Variants in SMAD6 observed in about 807,000 individuals in gnomAD.
The protein encoded by SMAD6 is MAD homolog 6.
Under a neutral mutation model 39.4 loss-of-function variants are expected in SMAD6, and 103 were observed. That is an observed-to-expected ratio of 2.62 (90% CI 2.23 to 3.08). SMAD6 has a LOEUF of 3.08. Among genes scored for constraint, SMAD6 ranks in the 30% most tolerant of loss-of-function variants. The pLI, the probability that SMAD6 is intolerant of heterozygous loss-of-function variation, is 0.00. For synonymous variants in SMAD6, 445 were observed against 353.3 expected, an observed-to-expected ratio of 1.26 and a Z score of -2.91; for missense variants, 1,104 against 742.9, an observed-to-expected ratio of 1.49 and a Z score of -5.65.
At chr15:66,732,463 G>A (rs1247456468) in intron 3 of SMAD6, among the ~76,000 whole-genome samples, 6 of 152,152 alleles carry the variant, frequency 3.9e-5, no homozygotes, top group South Asian at 2.1e-4. Context: ...TGATCCTCAT[G>A]TCTCAGCCTC....
chr15:66,704,380 G>A (rs1422280148), intron 1 of SMAD6: 1 of 277,854 alleles, frequency 3.6e-6, no homozygotes, highest in Non-Finnish European at 6.7e-6. Flanking sequence ...GAAAGGGGAG[G>A]GCAGGCCAAG....
intron 3 of SMAD6, among the ~76,000 whole-genome samples, chr15:66,723,829 C>T (rs1387619758): frequency 6.6e-6 from 1 of 152,160 alleles, no homozygotes; most frequent in Non-Finnish European, 1.5e-5. Context: ...GAGAGGCAGA[C>T]AGCAAACAGA....
intron 3 of SMAD6, among the ~76,000 whole-genome samples, chr15:66,737,957 G>A (rs1272730594): frequency 6.6e-6 from 1 of 152,142 alleles, no homozygotes; most frequent in Non-Finnish European, 1.5e-5. Context: ...GGAACCCTGG[G>A]GTACCTGCTC....
intron 3 of SMAD6, among the ~76,000 whole-genome samples, chr15:66,768,865 C>T (rs1406386639): frequency 2.6e-5 from 4 of 152,154 alleles, no homozygotes; most frequent in Non-Finnish European, 4.4e-5. Context: ...AGTACCAGGT[C>T]CTTGGGGAGG....
At chr15:66,722,234 C>T (rs1475182865) in intron 3 of SMAD6, among the ~76,000 whole-genome samples, 7 of 152,176 alleles carry the variant, frequency 4.6e-5, no homozygotes, top group Non-Finnish European at 2.9e-5. Flanking sequence ...TATCACATGA[C>T]GATGCTCAAG....
rs1894587134 is a variant in SMAD6, at chr15:66,781,969, A to G, written c.*434A>G. ...AAAAAGCTAATACCAGTCACTCGAT[A>G]ATAAAGTATTCGCATTATAGTTTTT... On this transcript the variant is annotated 3_prime_UTR_variant, in exon 4 of 4. Coordinates refer to ENST00000288840, the MANE Select transcript of SMAD6 (RefSeq NM_005585.5). 1 of 398,834 alleles carries G rather than the reference A, an allele frequency of 2.5e-6. No individual in the cohort carries two copies. Among genetic ancestry groups the G allele is most frequent in the Non-Finnish European group, 4.4e-6 (1 of 226,058 alleles). The allele number at this position is 398,834 out of a possible 1,614,324, so 24.7% of individuals were successfully genotyped here. A position where few individuals can be genotyped will look rare whatever the true frequency, so the allele number is the denominator to read the frequency against.
At chr15:66,758,329 G>A (rs1392843364) in intron 3 of SMAD6, among the ~76,000 whole-genome samples, 1 of 152,154 alleles carries the variant, frequency 6.6e-6, no homozygotes, top group Non-Finnish European at 1.5e-5. Context: ...TGGCAGGATG[G>A]AAACAACAAC....
Position 66,781,216 on chromosome 15 carries a change from TCCTG to T in SMAD6, c.1174_1177del (p.Leu392SerfsTer146). Reference sequence around the variant, plus strand: ...ACGCGCAGCAAGATCGGCTTCGGCATCCTGCTCAGCAAGGAGCCCGACGGCGTGT... The same window carrying T: ...ACGCGCAGCAAGATCGGCTTCGGCATCTCAGCAAGGAGCCCGACGGCGTGT... On this transcript the variant is annotated frameshift_variant, in exon 4 of 4. Transcript: ENST00000288840. LOFTEE classifies it high-confidence loss of function. 6.2e-7 allele frequency: 1 copy of T among 1,608,738 alleles called. No individual in the cohort carries two copies.
At chr15:66,743,205 G>A (rs1375876577) in intron 3 of SMAD6, among the ~76,000 whole-genome samples, 2 of 152,192 alleles carry the variant, frequency 1.3e-5, no homozygotes, top group African/African-American at 4.8e-5. Flanking sequence ...GCAGTTTGCA[G>A]TGAGAGTGGC....
chr15:66,749,388 G>C (rs998232664), intron 3 of SMAD6, among the ~76,000 whole-genome samples: 21 of 152,298 alleles, frequency 1.4e-4, no homozygotes, highest in African/African-American at 4.6e-4. Flanking sequence ...AACCTTGCTG[G>C]CAGAGGTTGC....
intron 3 of SMAD6, among the ~76,000 whole-genome samples, chr15:66,728,176 C>G (rs1166930545): frequency 6.6e-6 from 1 of 152,132 alleles, no homozygotes; most frequent in African/African-American, 2.4e-5. Context: ...TCTTGTGTCA[C>G]TATAGCCCAG....
chr15:66,734,169 A>G (rs1893675299), intron 3 of SMAD6, among the ~76,000 whole-genome samples: 1 of 152,236 alleles, frequency 6.6e-6, no homozygotes, highest in African/African-American at 2.4e-5. Context: ...TCTGACCCTC[A>G]GGAGTGGCCA....
chr15:66,736,090 C>T (rs1266275645), intron 3 of SMAD6, among the ~76,000 whole-genome samples: 7 of 151,934 alleles, frequency 4.6e-5, no homozygotes, highest in African/African-American at 1.5e-4. Context: ...GAGTGCTGGC[C>T]GTATGCCAAG....
chr15:66,746,178 C>T (rs971338365), intron 3 of SMAD6, among the ~76,000 whole-genome samples: 10 of 152,214 alleles, frequency 6.6e-5, no homozygotes, highest in African/African-American at 2.4e-4. Context: ...GGGAAGGTTT[C>T]GTGATAAATG....
At chr15:66,743,201 T>G (rs1202963455) in intron 3 of SMAD6, among the ~76,000 whole-genome samples, 3 of 152,124 alleles carry the variant, frequency 2.0e-5, no homozygotes, top group Non-Finnish European at 4.4e-5. Flanking sequence ...CCCTGCAGTT[T>G]GCAGTGAGAG....
intron 3 of SMAD6, among the ~76,000 whole-genome samples, chr15:66,726,126 T>G (rs1187327728): frequency 6.6e-6 from 1 of 152,112 alleles, no homozygotes; most frequent in African/African-American, 2.4e-5. Flanking sequence ...CCCAGGCCCC[T>G]TCTCTGCACC....
intron 1 of SMAD6, among the ~76,000 whole-genome samples, chr15:66,710,782 C>T (rs1044130501): frequency 5.4e-5 from 6 of 112,140 alleles, no homozygotes; most frequent in African/African-American, 2.0e-4. Flanking sequence ...GTATTTTAGG[C>T]AAATGAAACC....
chr15:66,710,228 G>T (rs74460202), intron 1 of SMAD6, among the ~76,000 whole-genome samples: 2 of 152,284 alleles, frequency 1.3e-5, no homozygotes, highest in Admixed American at 1.3e-4. Flanking sequence ...ATAAAAATAG[G>T]TGCCTGATGA....
At chr15:66,776,826 C>T (rs2140676241) in intron 3 of SMAD6, among the ~76,000 whole-genome samples, 1 of 152,338 alleles carries the variant, frequency 6.6e-6, no homozygotes, top group African/African-American at 2.4e-5. Context: ...AATTCCAACA[C>T]TTTGGGAAAC....
Sources: allele counts gnomAD v4.1 joint callset (sites outside exome capture counted in the v4.1 genomes callset), GRCh38; gene constraint gnomAD v4.1.1; transcripts MANE v1.5; gene names NCBI Gene and HGNC (gene_info 2026-07-23, HGNC 2026-07-21).